KCNJ3: variants seen among roughly 807,000 people sequenced by gnomAD.
KCNJ3 encodes G protein-activated inward rectifier potassium channel 1.
A neutral mutation model predicts 39.2 loss-of-function variants in KCNJ3; 4 were observed. That is an observed-to-expected ratio of 0.10 (90% confidence interval 0.05 to 0.23). The LOEUF is 0.23. Among genes scored for constraint, KCNJ3 ranks in the 10% least tolerant of loss-of-function variants. The probability of loss-of-function intolerance (pLI) is 1.00; values close to 1 mark genes in which losing one functional copy is unlikely to be tolerated. For synonymous variants in KCNJ3, 230 were observed against 237.4 expected, an observed-to-expected ratio of 0.97 and a Z score of 0.29; for missense variants, 276 against 634.9, an observed-to-expected ratio of 0.43 and a Z score of 6.08.
At chr2:154,728,541 G>A (rs1226934495) in intron 2 of KCNJ3, among the ~76,000 whole-genome samples, 2 of 152,078 alleles carry the variant, frequency 1.3e-5, no homozygotes, top group Non-Finnish European at 2.9e-5. Context: ...GTTGATTCCT[G>A]GAAACACTGG....
chr2:154,857,667 G>C lies in KCNJ3; in HGVS notation c.*2354G>C, dbSNP rs994209491. On this transcript the variant is annotated 3_prime_UTR_variant, in exon 3 of 3. Transcript: ENST00000295101. ...AGGCGGAGGTTGGGGGATCACCTGAGGTCAGGAGATCGAGACCAGCCTGGA... is the reference window on the plus strand; with the variant it reads ...AGGCGGAGGTTGGGGGATCACCTGACGTCAGGAGATCGAGACCAGCCTGGA... 1 of 151,812 alleles carries C rather than the reference G, an allele frequency of 6.6e-6. No homozygotes were observed. Among genetic ancestry groups the C allele is most frequent in the African/African-American group, 2.4e-5 (1 of 41,240 alleles). The allele number at this position is 151,812 out of a possible 1,614,324, so 9.4% of individuals were successfully genotyped here.
intron 2 of KCNJ3, among the ~76,000 whole-genome samples, chr2:154,764,355 C>T (rs569043923): frequency 6.6e-6 from 1 of 152,156 alleles, no homozygotes; most frequent in Non-Finnish European, 1.5e-5. Flanking sequence ...CCAACACAAC[C>T]ATGGTATGGC....
At chr2:154,708,310 C>T (rs1027390436) in intron 1 of KCNJ3, among the ~76,000 whole-genome samples, 1 of 152,134 alleles carries the variant, frequency 6.6e-6, no homozygotes, top group African/African-American at 2.4e-5. Flanking sequence ...ACCCTTCATT[C>T]TGTTTTGCCA....
chr2:154,760,823 G>A (rs1451827791), intron 2 of KCNJ3, among the ~76,000 whole-genome samples: 7 of 139,682 alleles, frequency 5.0e-5, no homozygotes, highest in Middle Eastern at 8.1e-3. Flanking sequence ...TGCAAGTTCC[G>A]CCTCCCGGGT....
At chr2:154,709,084 T>A (rs1685060258) in intron 1 of KCNJ3, among the ~76,000 whole-genome samples, 1 of 152,248 alleles carries the variant, frequency 6.6e-6, no homozygotes, top group South Asian at 2.1e-4. Flanking sequence ...TATTCCATTT[T>A]ATATGTGTTT....
intron 2 of KCNJ3, among the ~76,000 whole-genome samples, chr2:154,809,885 ATAT>A (rs1037890178): frequency 4.7e-4 from 48 of 101,880 alleles, no homozygotes; most frequent in South Asian, 1.8e-3. Context: ...ATCATAGAAA[ATAT>A]TATATATATA....
intron 1 of KCNJ3, among the ~76,000 whole-genome samples, chr2:154,704,257 T>G (rs1224967473): frequency 6.6e-6 from 1 of 152,026 alleles, no homozygotes; most frequent in African/African-American, 2.4e-5. Flanking sequence ...GAGCCATAAA[T>G]AAACAGCAGT....
At chr2:154,793,292 C>A (rs969486075) in intron 2 of KCNJ3, among the ~76,000 whole-genome samples, 5 of 151,792 alleles carry the variant, frequency 3.3e-5, no homozygotes, top group Non-Finnish European at 5.9e-5. Flanking sequence ...CTTTGCTCAC[C>A]GGAAAATATT....
At chr2:154,821,049 T>C (rs1260208760) in intron 2 of KCNJ3, among the ~76,000 whole-genome samples, 2 of 152,180 alleles carry the variant, frequency 1.3e-5, no homozygotes, top group East Asian at 3.9e-4. Context: ...ATTCAATATT[T>C]CTCTTAATTA....
At chr2:154,827,510 A>G (rs1420544893) in intron 2 of KCNJ3, among the ~76,000 whole-genome samples, 1 of 152,030 alleles carries the variant, frequency 6.6e-6, no homozygotes, top group African/African-American at 2.4e-5. Context: ...TGTTAATGAG[A>G]CTGTTTCTGC....
In KCNJ3 at chr2:154,767,297, T is replaced by C. The variant is rs992939629; in HGVS notation, c.919+57478T>C. On this transcript the variant is annotated intron_variant, in intron 2 of 2. Transcript: ENST00000295101. ...GTGTGCTGCACCCATTAACTTGTCA[T>C]TTACATTAGGTATATTGCCTAATGC... 2.0e-5 allele frequency among the ~76,000 whole-genome samples: 3 copies of C among 152,110 alleles called. No individual in the cohort carries two copies. The East Asian group carries it at 5.8e-4, about 29-fold the overall frequency.
chr2:154,801,489 T>TCTTTC (rs1432660007), intron 2 of KCNJ3, among the ~76,000 whole-genome samples: 1 of 151,734 alleles, frequency 6.6e-6, no homozygotes. Context: ...TCCTTTCTTT[T>TCTTTC]CTTTTCTTTT....
intron 2 of KCNJ3, among the ~76,000 whole-genome samples, chr2:154,788,773 T>G (rs1686578694): frequency 7.8e-6 from 1 of 128,190 alleles, no homozygotes; most frequent in Admixed American, 7.5e-5. Flanking sequence ...GTGTGAGTTG[T>G]TTTTTTTTTT....
intron 2 of KCNJ3, among the ~76,000 whole-genome samples, chr2:154,727,609 AAGAG>A (rs929585113): frequency 7.3e-5 from 11 of 151,046 alleles, no homozygotes; most frequent in Non-Finnish European, 1.3e-4. Flanking sequence ...AAAAAAAAAA[AAGAG>A]AGAAAAAGAG....
chr2:154,855,592 G>A lies in KCNJ3; in HGVS notation c.*279G>A, dbSNP rs1363611952. On this transcript the variant is annotated 3_prime_UTR_variant, in exon 3 of 3. Transcript: ENST00000295101. ...TAGTTTTATGGCATGATTTATATAT[G>A]GCATATTTATATTGTATATTCTGGA... is the stretch of plus-strand genomic sequence containing the variant. 2 of 225,928 alleles carry A rather than the reference G, an allele frequency of 8.9e-6. No homozygotes were observed. The allele number at this position is 225,928 out of a possible 1,614,324, so 14.0% of individuals were successfully genotyped here.
intron 2 of KCNJ3, among the ~76,000 whole-genome samples, chr2:154,713,879 T>G (rs926810698): frequency 1.8e-4 from 28 of 152,326 alleles, no homozygotes; most frequent in Admixed American, 5.9e-4. Flanking sequence ...TTCTGTACTC[T>G]CAGGCCTGCT....
intron 2 of KCNJ3, among the ~76,000 whole-genome samples, chr2:154,827,014 G>A (rs1344254840): frequency 6.6e-6 from 1 of 152,160 alleles, no homozygotes; most frequent in East Asian, 1.9e-4. Context: ...AGGTCAGAGT[G>A]TGTGTGTCTC....
chr2:154,780,253 G>A (rs1480765101), intron 2 of KCNJ3, among the ~76,000 whole-genome samples: 1 of 152,122 alleles, frequency 6.6e-6, no homozygotes, highest in African/African-American at 2.4e-5. Flanking sequence ...GGATTAAGGT[G>A]TGTGTGTGTA....
intron 2 of KCNJ3, among the ~76,000 whole-genome samples, chr2:154,803,914 A>G (rs1467279966): frequency 6.6e-6 from 1 of 152,092 alleles, no homozygotes; most frequent in East Asian, 1.9e-4. Flanking sequence ...TTTGAACTGA[A>G]GGAAAAAATT....
Sources: allele counts gnomAD v4.1 joint callset (sites outside exome capture counted in the v4.1 genomes callset), GRCh38; gene constraint gnomAD v4.1.1; transcripts MANE v1.5; gene names NCBI Gene and HGNC (gene_info 2026-07-23, HGNC 2026-07-21).